LSAMP: variants seen among roughly 807,000 people sequenced by gnomAD.
LSAMP encodes limbic system-associated membrane protein.
LSAMP carries 7 observed loss-of-function variants against 38.6 expected under a neutral mutation model. The observed-to-expected ratio is 0.18, with a 90% CI of 0.10 to 0.34. The LOEUF (loss-of-function observed/expected upper bound fraction) is 0.34, where lower values mean the gene tolerates loss of function less well. Among genes scored for constraint, LSAMP ranks in the 10% least tolerant of loss-of-function variants. The probability of loss-of-function intolerance (pLI) is 1.00; values close to 1 mark genes in which losing one functional copy is unlikely to be tolerated. For missense variants in LSAMP, 313 were observed against 420.0 expected (o/e 0.75, Z 2.23); for synonymous variants, 154 against 166.8 (o/e 0.92, Z 0.59).
At chr3:116,209,982 T>G (rs2046133268) in intron 1 of LSAMP, among the ~76,000 whole-genome samples, 1 of 152,098 alleles carries the variant, frequency 6.6e-6, no homozygotes, top group African/African-American at 2.4e-5. Flanking sequence ...TCTCCATCTC[T>G]TGACTTCGTG....
At chr3:116,175,241 T>G (rs1710308689) in intron 1 of LSAMP, among the ~76,000 whole-genome samples, 1 of 152,110 alleles carries the variant, frequency 6.6e-6, no homozygotes, top group African/African-American at 2.4e-5. Context: ...TTTCTTTCTT[T>G]GGGAAATAAA....
intron 1 of LSAMP, among the ~76,000 whole-genome samples, chr3:116,279,528 T>A (rs1288448165): frequency 6.6e-6 from 1 of 152,224 alleles, no homozygotes. Flanking sequence ...TTCTCTACAC[T>A]GATTTTTGCT....
intron 1 of LSAMP, among the ~76,000 whole-genome samples, chr3:116,321,141 G>A (rs1431395565): frequency 6.6e-6 from 1 of 152,154 alleles, no homozygotes; most frequent in Non-Finnish European, 1.5e-5. Flanking sequence ...AGGAGGGGTG[G>A]TAGGATCACT....
intron 6 of LSAMP, among the ~76,000 whole-genome samples, chr3:115,831,110 T>C (rs771748433): frequency 1.3e-5 from 2 of 152,198 alleles, no homozygotes; most frequent in East Asian, 3.8e-4. Context: ...CAATGCATTT[T>C]ATCAATGGAA....
At chr3:116,231,920 C>G (rs1394570118) in intron 1 of LSAMP, among the ~76,000 whole-genome samples, 9 of 152,190 alleles carry the variant, frequency 5.9e-5, no homozygotes, top group Non-Finnish European at 1.3e-4. Flanking sequence ...TTAACAATAT[C>G]TGGTAGATCT....
intron 3 of LSAMP, among the ~76,000 whole-genome samples, chr3:115,888,316 A>G (rs1371195739): frequency 6.6e-6 from 1 of 151,886 alleles, no homozygotes; most frequent in Admixed American, 6.6e-5. Context: ...CCCTTAATAC[A>G]TTGCTGTTTA....
intron 3 of LSAMP, among the ~76,000 whole-genome samples, chr3:115,908,022 C>A (rs998869684): frequency 6.6e-6 from 1 of 151,998 alleles, no homozygotes; most frequent in Non-Finnish European, 1.5e-5. Flanking sequence ...ACACTTAAAT[C>A]ATGGGGAGAT....
At chr3:115,893,870 C>T (rs1043236271) in intron 3 of LSAMP, among the ~76,000 whole-genome samples, 2 of 151,938 alleles carry the variant, frequency 1.3e-5, no homozygotes, top group East Asian at 1.9e-4. Context: ...ACCACAGAAT[C>T]GAGATAGATG....
intron 3 of LSAMP, among the ~76,000 whole-genome samples, chr3:115,943,100 G>T (rs1937981276): frequency 6.6e-6 from 1 of 152,132 alleles, no homozygotes; most frequent in Admixed American, 6.6e-5. Flanking sequence ...CATTTATGAG[G>T]GGGGCACATT....
At chr3:116,034,507 T>C (rs530182418) in intron 2 of LSAMP, among the ~76,000 whole-genome samples, 7 of 152,218 alleles carry the variant, frequency 4.6e-5, no homozygotes, top group African/African-American at 1.7e-4. Context: ...AGAGTCAGAC[T>C]TGTCATACCA....
At chr3:115,976,661 G>A (rs1939196021) in intron 3 of LSAMP, among the ~76,000 whole-genome samples, 1 of 152,138 alleles carries the variant, frequency 6.6e-6, no homozygotes, top group Admixed American at 6.6e-5. Flanking sequence ...CCCCAATGTT[G>A]GGGAAGGAAT....
At chr3:116,018,478 C>A (rs1940547206) in intron 3 of LSAMP, among the ~76,000 whole-genome samples, 1 of 152,064 alleles carries the variant, frequency 6.6e-6, no homozygotes, top group Non-Finnish European at 1.5e-5. Flanking sequence ...TGTAACAAAT[C>A]TCTAGTTACT....
At chr3:115,833,457 A>T (rs1251597773) in intron 6 of LSAMP, among the ~76,000 whole-genome samples, 2 of 149,860 alleles carry the variant, frequency 1.3e-5, no homozygotes, top group Non-Finnish European at 3.0e-5. Context: ...AACTCTTATT[A>T]AACTGTCTAG....
At chr3:116,074,546 A>C (rs1707688505) in intron 2 of LSAMP, among the ~76,000 whole-genome samples, 1 of 152,182 alleles carries the variant, frequency 6.6e-6, no homozygotes, top group Non-Finnish European at 1.5e-5. Context: ...ATATATTTTA[A>C]AACTTTGATA....
chr3:116,121,287 C>T (rs1296066652), intron 1 of LSAMP, among the ~76,000 whole-genome samples: 2 of 152,164 alleles, frequency 1.3e-5, no homozygotes, highest in Non-Finnish European at 1.5e-5. Context: ...GGCCCAGAAA[C>T]AAGTTTGCAA....
chr3:116,128,543 A>G (rs1053462474), intron 1 of LSAMP, among the ~76,000 whole-genome samples: 4 of 152,258 alleles, frequency 2.6e-5, no homozygotes, highest in African/African-American at 9.6e-5. Flanking sequence ...TGGCTCCCAT[A>G]ATTGCATTGT....
intron 3 of LSAMP, among the ~76,000 whole-genome samples, chr3:115,911,248 G>A (rs981995184): frequency 1.3e-5 from 2 of 152,192 alleles, no homozygotes; most frequent in Admixed American, 6.5e-5. Flanking sequence ...GCTATGTAGT[G>A]TTTTGTGGAA....
intron 1 of LSAMP, among the ~76,000 whole-genome samples, chr3:116,130,577 G>A (rs1709102504): frequency 6.6e-6 from 1 of 152,040 alleles, no homozygotes; most frequent in African/African-American, 2.4e-5. Flanking sequence ...ATCATTAAGT[G>A]TGTTGAAAAT....
At chr3:115,823,973 C>T (rs550195169) in intron 6 of LSAMP, among the ~76,000 whole-genome samples, 3 of 152,284 alleles carry the variant, frequency 2.0e-5, no homozygotes, top group Non-Finnish European at 2.9e-5. Context: ...AATGGTGATA[C>T]GGATTGTTAC....
Sources: allele counts gnomAD v4.1 joint callset (sites outside exome capture counted in the v4.1 genomes callset), GRCh38; gene constraint gnomAD v4.1.1; transcripts MANE v1.5; gene names NCBI Gene and HGNC (gene_info 2026-07-23, HGNC 2026-07-21).